Variants in TMPRSS6 observed in about 807,000 individuals in gnomAD.
TMPRSS6 encodes the protein transmembrane serine protease 6.
Under a neutral mutation model 101.5 loss-of-function variants are expected in TMPRSS6, and 67 were observed. That is an observed-to-expected ratio of 0.66 (90% confidence interval 0.54 to 0.81). The LOEUF is 0.81. Ranked by LOEUF, TMPRSS6 falls within the 30% of genes least tolerant of loss-of-function variation. The pLI is 0.00. For synonymous variants in TMPRSS6, 453 were observed against 464.9 expected, an observed-to-expected ratio of 0.97 and a Z score of 0.33; for missense variants, 1,034 against 1,088.7, an observed-to-expected ratio of 0.95 and a Z score of 0.71.
chr22:37,073,034 C>CGGATGGACGATGGGT (rs1927267804), intron 13 of TMPRSS6, among the ~76,000 whole-genome samples: 1 of 108,526 alleles, frequency 9.2e-6, no homozygotes, highest in Non-Finnish European at 1.9e-5. Flanking sequence ...GGATGATGGA[C>CGGATGGACGATGGGT]GGATGGACGA....
chr22:37,084,094 A>AAGCCGGGGCC lies in TMPRSS6; in HGVS notation c.1196+191_1196+200dup, dbSNP rs369531846. The AAGCCGGGGCC allele has an allele frequency of 5.1e-3, 3,132 of 618,536 alleles. 87 individuals are homozygous for AAGCCGGGGCC. The African/African-American group carries it at 0.052, about 10-fold the overall frequency. The allele number at this position is 618,536 out of a possible 1,614,324, so 38.3% of individuals were successfully genotyped here. Reference sequence around the variant, plus strand: ...GAGACCTCTGGGGTAGCCAGAGGGGAAGCCGGGGCCAGGGCGGAGGCTGGG... The same window carrying AAGCCGGGGCC: ...GAGACCTCTGGGGTAGCCAGAGGGGAAGCCGGGGCCAGCCGGGGCCAGGGCGGAGGCTGGG... On this transcript the variant is annotated intron_variant, in intron 10 of 17. Transcript: ENST00000676104.
At chr22:37,080,674 A>G (rs538328469) in intron 10 of TMPRSS6, among the ~76,000 whole-genome samples, 1 of 152,376 alleles carries the variant, frequency 6.6e-6, no homozygotes, top group Non-Finnish European at 1.5e-5. Flanking sequence ...TCATTCACAC[A>G]GGAGGAGTCT....
At chr22:37,066,267 A>C in intron 17 of TMPRSS6, 29 bp from the exon 18 acceptor site, 1 of 1,586,792 alleles carries the variant, frequency 6.3e-7, no homozygotes, top group Non-Finnish European at 8.6e-7. Context: ...AAAGGACTGA[A>C]GCAGGGTAAG....
At chr22:37,068,346 ATC>A (rs1926529992) in intron 16 of TMPRSS6, among the ~76,000 whole-genome samples, 2 of 152,222 alleles carry the variant, frequency 1.3e-5, no homozygotes, top group South Asian at 2.1e-4. Flanking sequence ...TCCTTAAAAT[ATC>A]TCTGCGGCCC....
intron 10 of TMPRSS6, among the ~76,000 whole-genome samples, chr22:37,079,911 C>T (rs1490363896): frequency 6.6e-6 from 1 of 152,230 alleles, no homozygotes; most frequent in African/African-American, 2.4e-5. Context: ...ACTAGCGCTC[C>T]GGAGAACACA....
At chr22:37,071,104 G>A (rs1601520078) in intron 13 of TMPRSS6, 72 bp from the exon 14 acceptor site, 2 of 1,405,178 alleles carry the variant, frequency 1.4e-6, no homozygotes, top group Non-Finnish European at 2.0e-6. Flanking sequence ...TCCAAAGTGG[G>A]GTGCAGGAAC....
At chr22:37,071,666 T>G (rs1926922182) in intron 13 of TMPRSS6, among the ~76,000 whole-genome samples, 1 of 152,236 alleles carries the variant, frequency 6.6e-6, no homozygotes, top group Non-Finnish European at 1.5e-5. Flanking sequence ...ACTTCCTTAC[T>G]GCACCTTGCC....
At position 37,073,569 on chromosome 22, in the gene TMPRSS6, A is replaced by G. The variant is rs757065798; in HGVS notation, c.1518T>C (p.Asp506=). The change falls in exon 13 of 18, where the codon GAT becomes GAC. Residue 506 remains aspartate, a synonymous_variant. Coordinates refer to ENST00000676104, the MANE Select transcript of TMPRSS6 (RefSeq NM_001374504.1). ...GCTCTTCGTCGCTGCCGTTGAGACA[A>G]TCAGGCTGCCCATCACAGACCTTGG... ...SLPKVCDGQP[D]CLNGSDEEQC... is the part of the protein sequence containing the mutation. The G allele has an allele frequency of 4.3e-6, 7 of 1,614,048 alleles. No individual in the cohort carries two copies. Among genetic ancestry groups the G allele is most frequent in the Middle Eastern group, 1.7e-4 (1 of 6,060 alleles).
chr22:37,073,346 AGATGGATGGATG>A (rs61496676), intron 13 of TMPRSS6, among the ~76,000 whole-genome samples, 174 bp downstream of exon 13: 120 of 140,940 alleles, frequency 8.5e-4, no homozygotes, highest in South Asian at 2.4e-3. Context: ...GGAGACCAGA[AGATGGATGGATG>A]GATGGATGGA....
intron 10 of TMPRSS6, among the ~76,000 whole-genome samples, chr22:37,075,701 G>T (rs564673428): frequency 2.0e-5 from 3 of 152,128 alleles, no homozygotes; most frequent in Non-Finnish European, 4.4e-5. Context: ...TCGGGAGTTC[G>T]AGACCAGACT....
At chr22:37,099,603 T>C (rs561779536) in intron 2 of TMPRSS6, among the ~76,000 whole-genome samples, 2 of 152,272 alleles carry the variant, frequency 1.3e-5, no homozygotes, top group African/African-American at 4.8e-5. Context: ...CGGACAGAAC[T>C]ATCAAGAAAA....
chr22:37,106,098 C>T (rs1369271503), intron 1 of TMPRSS6, among the ~76,000 whole-genome samples: 1 of 152,150 alleles, frequency 6.6e-6, no homozygotes, highest in Non-Finnish European at 1.5e-5. Flanking sequence ...GTAAGCCTTA[C>T]ACAGATCCTG....
chr22:37,075,139 C>T lies in TMPRSS6; in HGVS notation c.1338G>A (p.Ser446=), dbSNP rs776737568. 4.8e-5 allele frequency: 78 copies of T among 1,613,630 alleles called. No homozygotes were observed. Among genetic ancestry groups the T allele is most frequent in the East Asian group, 1.8e-4 (8 of 44,888 alleles). The part of the protein sequence containing the change: ...VRVHYGLYNQ[S]DPCPGEFLCS... ...CCCCCGGCTGCCCATACTCACGGTC[C>T]GACTGGTTGTACAAGCCATAGTGCA... is the stretch of plus-strand genomic sequence containing the variant. Residue 446 remains serine, a synonymous_variant, in exon 11 of 18, where the codon TCG becomes TCA. Transcript: ENST00000676104.
At chr22:37,102,484 A>G (rs1930404709) in intron 2 of TMPRSS6, among the ~76,000 whole-genome samples, 1 of 152,236 alleles carries the variant, frequency 6.6e-6, no homozygotes, top group Non-Finnish European at 1.5e-5. Flanking sequence ...AGACTCCATC[A>G]ATCTTAGAGA....
At chr22:37,075,676 G>T (rs941492335) in intron 10 of TMPRSS6, among the ~76,000 whole-genome samples, 2 of 152,224 alleles carry the variant, frequency 1.3e-5, no homozygotes, top group Admixed American at 1.3e-4. Flanking sequence ...GCTGAGGTGG[G>T]TGGATCACCT....
chr22:37,078,957 G>GAAAGAAAGAAAGAAAA (rs1230714972), intron 10 of TMPRSS6, among the ~76,000 whole-genome samples: 13 of 103,038 alleles, frequency 1.3e-4, no homozygotes, highest in African/African-American at 3.9e-4. Flanking sequence ...AGGAGAAAAA[G>GAAAGAAAGAAAGAAAA]AGAAAGAAAG....
rs143819129 is a variant in TMPRSS6, at chr22:37,103,412, G to A, written c.6C>T (p.Pro2=). The change falls in exon 2 of 18, where the codon CCC becomes CCT. Residue 2 remains proline (P), a synonymous_variant. Transcript: ENST00000676104. This position sits in a 1 kb window ranked among gnomAD's most constrained non-coding sequence, Gnocchi z 4.4. The part of the protein sequence containing the change: M[P]VAEAPQVAGG... ...CAGCCACCTGGGGGGCCTCGGCCAC[G>A]GGCATCCTGCCAGGGAAACAGACCA... 3.3e-5 allele frequency: 54 copies of A among 1,614,194 alleles called. No homozygotes were observed. Among genetic ancestry groups the A allele is most frequent in the Middle Eastern group, 3.3e-4 (2 of 6,062 alleles).
In TMPRSS6 at chr22:37,069,078, T is replaced by G. The variant is rs752889957; in HGVS notation, c.2108A>C (p.Glu703Ala). 10 of 1,542,074 alleles carry G rather than the reference T, an allele frequency of 6.5e-6. No individual in the cohort carries two copies. The highest frequency in any genetic ancestry group is 8.7e-6 in the Non-Finnish European group (10 of 1,149,032). The change falls in exon 16 of 18, where the codon GAG (glutamate) becomes GCG (alanine). Residue 703 changes from glutamate (E) to alanine (A), a missense_variant. Coordinates refer to ENST00000676104, the MANE Select transcript of TMPRSS6 (RefSeq NM_001374504.1). The surrounding 1 kb of genome is among the most constrained non-coding windows in gnomAD (Gnocchi z 4.8). The part of the protein sequence containing the change: ...CWITGWGALR[E>A]GGPISNALQK... ...CGCAAGTCCCCGCTGCTCACCGCCC[T>G]CGCGCAAGGCGCCCCAGCCCGTAAT... is the stretch of plus-strand genomic sequence containing the variant.
At position 37,069,445 on chromosome 22, in the gene TMPRSS6, G is replaced by C. The variant is rs1926686540; in HGVS notation, c.1842-101C>G. On this transcript the variant is annotated intron_variant, in intron 15 of 17. Coordinates refer to ENST00000676104, the MANE Select transcript of TMPRSS6 (RefSeq NM_001374504.1). The surrounding 1 kb of genome is among the most constrained non-coding windows in gnomAD (Gnocchi z 4.8). ...TCAAGATAGCCAGATCCCCGCCCGGGACAGTGCCCTCCACACCCAGCCCTC... is the reference window on the plus strand; with the variant it reads ...TCAAGATAGCCAGATCCCCGCCCGGCACAGTGCCCTCCACACCCAGCCCTC... 6.0e-6 allele frequency: 7 copies of C among 1,172,544 alleles called. No individual in the cohort carries two copies. Among genetic ancestry groups the C allele is most frequent in the Middle Eastern group, 2.8e-4 (1 of 3,524 alleles). 72.6% of individuals were successfully genotyped at this position (1,172,544 alleles called of 1,614,324 possible). A position where few individuals can be genotyped will look rare whatever the true frequency, so the allele number is the denominator to read the frequency against.
Sources: allele counts gnomAD v4.1 joint callset (sites outside exome capture counted in the v4.1 genomes callset), GRCh38; gene constraint gnomAD v4.1.1; non-coding constraint Gnocchi (gnomAD v3.1); transcripts MANE v1.5; gene names NCBI Gene and HGNC (gene_info 2026-07-23, HGNC 2026-07-21).